CHMP3: variants seen among roughly 807,000 people sequenced by gnomAD.
CHMP3 encodes the protein charged multivesicular body protein 3.
Under a neutral mutation model 27.4 loss-of-function variants are expected in CHMP3, and 8 were observed. The ratio of observed to expected loss-of-function variants is 0.29; its 90% CI spans 0.17 to 0.53. The LOEUF (loss-of-function observed/expected upper bound fraction) is 0.53. Among genes scored for constraint, CHMP3 ranks in the 20% least tolerant of loss-of-function variants. The pLI is 0.96. For missense variants in CHMP3, 208 were observed against 271.5 expected, an observed-to-expected ratio of 0.77 and a Z score of 1.64; for synonymous variants, 86 against 85.5, an observed-to-expected ratio of 1.01 and a Z score of -0.03.
At chr2:86,518,670 C>T (rs1486030953) in intron 3 of CHMP3, among the ~76,000 whole-genome samples, 5 of 152,048 alleles carry the variant, frequency 3.3e-5, no homozygotes, top group African/African-American at 1.2e-4. Context: ...AGCAGCAGCC[C>T]TGGTTTCTGC....
chr2:86,557,719 G>T (rs2104056052), intron 1 of CHMP3, among the ~76,000 whole-genome samples: 1 of 152,154 alleles, frequency 6.6e-6, no homozygotes, highest in Middle Eastern at 3.4e-3. Flanking sequence ...CGTCCACCTG[G>T]TGAATGCCAC....
In CHMP3 at chr2:86,510,498, A is replaced by C; in HGVS notation, c.287-19T>G. The C allele has an allele frequency of 6.2e-7, 1 of 1,609,596 alleles. No homozygotes were observed. The highest frequency in any genetic ancestry group is 8.5e-7 in the Non-Finnish European group (1 of 1,179,882). ...AAGACCGCTGAAAGAGAATGTGTAC[A>C]GTCAGGATTGTTCAACAGGATGGAA... On this transcript the variant is annotated intron_variant, in intron 3 of 5. Transcript: ENST00000263856.
intron 3 of CHMP3, 33 bp from the exon 4 acceptor site, chr2:86,510,512 A>C: frequency 6.2e-7 from 1 of 1,606,266 alleles, no homozygotes; most frequent in South Asian, 1.1e-5. Flanking sequence ...AGGATTGTTC[A>C]ACAGGATGGA....
At chr2:86,521,785 T>C (rs1291726078) in intron 3 of CHMP3, among the ~76,000 whole-genome samples, 1 of 152,236 alleles carries the variant, frequency 6.6e-6, no homozygotes, top group Non-Finnish European at 1.5e-5. Context: ...TACGGCTGAA[T>C]AATATTCTAT....
Position 86,523,353 on chromosome 2 carries a change from T to G in CHMP3, c.286+5865A>C, listed in dbSNP as rs368813319. 1.2e-4 allele frequency among the ~76,000 whole-genome samples: 19 copies of G among 152,328 alleles called. No individual in the cohort carries two copies. In the South Asian group the frequency reaches 3.7e-3, roughly 30 times the overall value. On this transcript the variant is annotated intron_variant, in intron 3 of 5. Coordinates refer to ENST00000263856, the MANE Select transcript of CHMP3 (RefSeq NM_016079.4). ...GCCATTCCTGACTCTACATTTCTCT[T>G]TCACGTTCTCCTAGTGCATATCACA...
chr2:86,528,339 GAC>G (rs1675793570), intron 3 of CHMP3, among the ~76,000 whole-genome samples: 1 of 151,992 alleles, frequency 6.6e-6, no homozygotes, highest in Admixed American at 6.6e-5. Flanking sequence ...TTCTTTTTTA[GAC>G]ACAGTCTTGC....
At chr2:86,515,939 C>G (rs369037137) in intron 3 of CHMP3, among the ~76,000 whole-genome samples, 1 of 151,714 alleles carries the variant, frequency 6.6e-6, no homozygotes, top group East Asian at 1.9e-4. Flanking sequence ...GGGTGGATCA[C>G]GAGGTCAGGA....
chr2:86,544,403 G>A (rs1676482393), intron 1 of CHMP3, among the ~76,000 whole-genome samples: 2 of 151,384 alleles, frequency 1.3e-5, no homozygotes, highest in South Asian at 2.1e-4. Flanking sequence ...GGGGGATGTG[G>A]CAGGGTCATA....
At chr2:86,538,611 T>C (rs1033122022) in intron 2 of CHMP3, among the ~76,000 whole-genome samples, 3 of 152,206 alleles carry the variant, frequency 2.0e-5, no homozygotes, top group African/African-American at 7.2e-5. Context: ...TCTACTTTTC[T>C]GCATTTTCAC....
intron 1 of CHMP3, among the ~76,000 whole-genome samples, chr2:86,547,972 A>G (rs149592038): frequency 6.6e-6 from 1 of 152,326 alleles, no homozygotes; most frequent in East Asian, 1.9e-4. Flanking sequence ...GGCAAAGGAA[A>G]CTAACACCAT....
At chr2:86,523,203 T>G (rs549366738) in intron 3 of CHMP3, among the ~76,000 whole-genome samples, 181 of 152,266 alleles carry the variant, frequency 1.2e-3, no homozygotes, top group African/African-American at 4.2e-3. Flanking sequence ...GTGTTGGGAA[T>G]GCACAGTTCT....
intron 1 of CHMP3, among the ~76,000 whole-genome samples, chr2:86,554,347 A>T (rs1677030907): frequency 6.6e-6 from 1 of 152,232 alleles, no homozygotes; most frequent in African/African-American, 2.4e-5. Context: ...CTTTAAAATA[A>T]AGTAGTTGGC....
At chr2:86,521,266 G>C (rs1397426552) in intron 3 of CHMP3, among the ~76,000 whole-genome samples, 1 of 152,132 alleles carries the variant, frequency 6.6e-6, no homozygotes, top group Non-Finnish European at 1.5e-5. Context: ...AGCCTGTTTG[G>C]TGGTCTCTTC....
chr2:86,521,158 A>C (rs929870012), intron 3 of CHMP3, among the ~76,000 whole-genome samples: 1 of 152,092 alleles, frequency 6.6e-6, no homozygotes, highest in Non-Finnish European at 1.5e-5. Context: ...CCCCAAACCT[A>C]TAAGAACTAA....
At chr2:86,528,253 CTTT>C (rs1340975002) in intron 3 of CHMP3, among the ~76,000 whole-genome samples, 1 of 152,204 alleles carries the variant, frequency 6.6e-6, no homozygotes, top group Non-Finnish European at 1.5e-5. Flanking sequence ...CTTCTAACTT[CTTT>C]TGAGTGTGAT....
chr2:86,529,905 T>C (rs1675849343), intron 2 of CHMP3, among the ~76,000 whole-genome samples: 1 of 152,174 alleles, frequency 6.6e-6, no homozygotes. Flanking sequence ...AAATATAACA[T>C]CTTAACCATT....
rs1676565943 is a variant in CHMP3, at chr2:86,545,790, T to A, written c.46-3478A>T. Among the ~76,000 whole-genome samples, 4 of 144,924 alleles carry A rather than the reference T, an allele frequency of 2.8e-5. No individual in the cohort carries two copies. In the South Asian group the frequency reaches 8.8e-4, roughly 32 times the overall value. On this transcript the variant is annotated intron_variant, in intron 1 of 5. Transcript: ENST00000263856. ...ACGATGGGTGGCCGGGCAGAGGCGCTCCTCACCTCCCAGATGGGGTGGCCA... is the reference window on the plus strand; with the variant it reads ...ACGATGGGTGGCCGGGCAGAGGCGCACCTCACCTCCCAGATGGGGTGGCCA...
At chr2:86,558,308 T>A (rs555732875) in intron 1 of CHMP3, among the ~76,000 whole-genome samples, 1 of 152,270 alleles carries the variant, frequency 6.6e-6, no homozygotes, top group African/African-American at 2.4e-5. Context: ...TAAAACAGAA[T>A]AGATTCACCA....
chr2:86,536,027 G>A (rs1345624379), intron 2 of CHMP3, among the ~76,000 whole-genome samples: 9 of 112,682 alleles, frequency 8.0e-5, no homozygotes, highest in East Asian at 5.6e-4. Context: ...ACGGAGTCTC[G>A]CTCTGTCGCC....
Sources: gnomAD v4.1 joint callset for allele counts (sites outside exome capture counted in the v4.1 genomes callset) on GRCh38, gnomAD v4.1.1 for gene constraint, MANE v1.5 for transcripts, NCBI Gene and HGNC (gene_info 2026-07-23, HGNC 2026-07-21) for gene names.